The following ROBO2 variants were observed in gnomAD, a reference collection of about 807,000 sequenced individuals.
ROBO2 encodes roundabout homolog 2.
In ROBO2, 53 loss-of-function variants were observed where a neutral mutation model predicts 160.8. That is an observed-to-expected ratio of 0.33 (90% CI 0.26 to 0.41). ROBO2 has a LOEUF of 0.41. ROBO2 is among the 10% of genes least tolerant of loss of function. The probability of loss-of-function intolerance (pLI) is 1.00; values close to 1 mark genes in which losing one functional copy is unlikely to be tolerated. For synonymous variants in ROBO2, 664 were observed against 611.7 expected (o/e 1.09, Z -1.26); for missense variants, 1,577 against 1,722.4 (o/e 0.92, Z 1.49).
At chr3:76,043,559 C>T (rs865810595) in intron 2 of ROBO2, among the ~76,000 whole-genome samples, 2 of 126,232 alleles carry the variant, frequency 1.6e-5, no homozygotes, top group African/African-American at 3.0e-5. Flanking sequence ...TTGGATTTTT[C>T]AGTCTTTGAT....
At chr3:76,225,927 C>T (rs1437813771) in intron 2 of ROBO2, among the ~76,000 whole-genome samples, 1 of 151,966 alleles carries the variant, frequency 6.6e-6, no homozygotes, top group Admixed American at 6.6e-5. Context: ...ATGATTATGG[C>T]AAATATGGAC....
intron 2 of ROBO2, among the ~76,000 whole-genome samples, chr3:76,195,082 A>G (rs1190887243): frequency 1.3e-5 from 2 of 152,164 alleles, no homozygotes; most frequent in African/African-American, 4.8e-5. Flanking sequence ...AACTTGTCTT[A>G]ATCTCATTGA....
At chr3:77,108,300 A>C (rs769000836) in intron 2 of ROBO2, among the ~76,000 whole-genome samples, 1 of 105,474 alleles carries the variant, frequency 9.5e-6, no homozygotes, top group Non-Finnish European at 2.2e-5. Flanking sequence ...ACACATATGC[A>C]TATATATATA....
chr3:77,140,682 C>A (rs1041282551), intron 2 of ROBO2, among the ~76,000 whole-genome samples: 5 of 152,162 alleles, frequency 3.3e-5, no homozygotes, highest in Non-Finnish European at 5.9e-5. Flanking sequence ...ATACTCCCAA[C>A]ACTTTGTCCT....
At chr3:76,802,893 A>G (rs2064335917) in intron 2 of ROBO2, among the ~76,000 whole-genome samples, 1 of 152,318 alleles carries the variant, frequency 6.6e-6, no homozygotes, top group African/African-American at 2.4e-5. Context: ...GCCCAAGGAC[A>G]AATGGTATTT....
chr3:77,256,100 G>T (rs893717329), intron 2 of ROBO2, among the ~76,000 whole-genome samples: 1 of 152,184 alleles, frequency 6.6e-6, no homozygotes, highest in African/African-American at 2.4e-5. Context: ...ATTGTCAACA[G>T]TTCAACAGAA....
chr3:76,623,237 A>G (rs563398264), intron 2 of ROBO2, among the ~76,000 whole-genome samples: 3 of 152,274 alleles, frequency 2.0e-5, no homozygotes, highest in Admixed American at 2.0e-4. Flanking sequence ...CTAGAGAAAC[A>G]CTACAGAAAT....
chr3:76,281,859 G>T (rs915828543), intron 2 of ROBO2, among the ~76,000 whole-genome samples: 2 of 151,918 alleles, frequency 1.3e-5, no homozygotes, highest in Non-Finnish European at 2.9e-5. Context: ...ACAAGGAATT[G>T]TTTCTTAGGC....
intron 2 of ROBO2, among the ~76,000 whole-genome samples, chr3:76,571,465 A>G (rs887477923): frequency 2.0e-5 from 3 of 151,862 alleles, no homozygotes; most frequent in Admixed American, 6.5e-5. Context: ...AGGTTTTTAT[A>G]CCAAGATACT....
intron 2 of ROBO2, among the ~76,000 whole-genome samples, chr3:76,285,818 T>A (rs1413993180): frequency 1.3e-5 from 2 of 152,186 alleles, no homozygotes; most frequent in African/African-American, 2.4e-5. Context: ...TTAAGCAGCA[T>A]CTTCTCTATT....
At chr3:76,674,693 G>T (rs1170043470) in intron 2 of ROBO2, among the ~76,000 whole-genome samples, 1 of 151,532 alleles carries the variant, frequency 6.6e-6, no homozygotes, top group Non-Finnish European at 1.5e-5. Context: ...ACTTTAATGT[G>T]TTTAAAAACC....
chr3:76,357,882 C>G (rs1051579531), intron 2 of ROBO2, among the ~76,000 whole-genome samples: 2 of 145,500 alleles, frequency 1.4e-5, no homozygotes, highest in East Asian at 3.9e-4. Flanking sequence ...AAAATTATAT[C>G]TAAACTTTAA....
chr3:77,485,953 C>T (rs892339538), intron 4 of ROBO2, among the ~76,000 whole-genome samples: 4 of 152,014 alleles, frequency 2.6e-5, no homozygotes, highest in African/African-American at 9.7e-5. Context: ...TTTTGACAGG[C>T]TCCAGTGTGT....
intron 2 of ROBO2, among the ~76,000 whole-genome samples, chr3:76,362,639 A>C (rs766782079): frequency 6.6e-6 from 1 of 152,108 alleles, no homozygotes; most frequent in Non-Finnish European, 1.5e-5. Context: ...CATATTCTAC[A>C]TCGAAAATTT....
chr3:75,949,181 C>T (rs1948442400), intron 2 of ROBO2, among the ~76,000 whole-genome samples: 1 of 152,094 alleles, frequency 6.6e-6, no homozygotes, highest in South Asian at 2.1e-4. Flanking sequence ...GAAATAACAA[C>T]ACACTATCTT....
chr3:75,981,567 A>G lies in ROBO2; in HGVS notation c.109+43965A>G, dbSNP rs540955034. Among the ~76,000 whole-genome samples the G allele has an allele frequency of 3.2e-5, 4 of 124,778 alleles. No individual in the cohort carries two copies. In the East Asian group the frequency reaches 1.0e-3, roughly 33 times the overall value. The allele number at this position is 124,778 out of a possible 152,430, so 81.9% of individuals were successfully genotyped here. ...ATATTAATATTTGTATTGATATTACACAAGTACTGTAACAAACTGTAATAT... is the reference window on the plus strand; with the variant it reads ...ATATTAATATTTGTATTGATATTACGCAAGTACTGTAACAAACTGTAATAT... On this transcript the variant is annotated intron_variant, in intron 2 of 26. Transcript: ENST00000487694.
chr3:77,199,586 T>G (rs942598967), intron 2 of ROBO2, among the ~76,000 whole-genome samples: 2 of 151,896 alleles, frequency 1.3e-5, no homozygotes, highest in Admixed American at 6.6e-5. Context: ...ACTCAGTGAC[T>G]GAGGCTGTTT....
chr3:76,637,057 C>T (rs2090380901), intron 2 of ROBO2, among the ~76,000 whole-genome samples: 1 of 151,916 alleles, frequency 6.6e-6, no homozygotes, highest in South Asian at 2.1e-4. Flanking sequence ...AAGATGCCTT[C>T]ACAAGAGTGT....
At position 77,256,262 on chromosome 3, in the gene ROBO2, T is replaced by C. The variant is rs187966018; in HGVS notation, c.388+157922T>C. On this transcript the variant is annotated intron_variant, in intron 2 of 25. Coordinates refer to ENST00000461745, the Ensembl canonical transcript of ROBO2. ...ATCTAAAATTATTCTGATTGATCAT[T>C]CTATAAATGTAATAAAACATCAGTA... 2.8e-4 allele frequency among the ~76,000 whole-genome samples: 42 copies of C among 152,348 alleles called. No homozygotes were observed. The East Asian group carries it at 7.5e-3, about 27-fold the overall frequency.
Sources: gnomAD v4.1 joint callset for allele counts (sites outside exome capture counted in the v4.1 genomes callset) on GRCh38, gnomAD v4.1.1 for gene constraint, MANE v1.5 for transcripts, NCBI Gene and HGNC (gene_info 2026-07-23, HGNC 2026-07-21) for gene names.